NAV3: variants seen among roughly 807,000 people sequenced by gnomAD.
NAV3 encodes the protein pore membrane and/or filament interacting like protein 1.
NAV3 carries 87 observed loss-of-function variants against 244.7 expected under a neutral mutation model. The observed-to-expected ratio is 0.36, with a 90% CI of 0.30 to 0.42. The LOEUF (loss-of-function observed/expected upper bound fraction) is 0.42, where lower values mean the gene tolerates loss of function less well. Among genes scored for constraint, NAV3 ranks in the 20% least tolerant of loss-of-function variants. The probability of loss-of-function intolerance (pLI) is 1.00; values close to 1 mark genes in which losing one functional copy is unlikely to be tolerated. For synonymous variants in NAV3, 1,126 were observed against 1,042.2 expected (o/e 1.08, Z -1.55); for missense variants, 2,663 against 2,893.3 (o/e 0.92, Z 1.83).
At chr12:78,157,264 T>C (rs1347974487) in intron 22 of NAV3, among the ~76,000 whole-genome samples, 1 of 151,978 alleles carries the variant, frequency 6.6e-6, no homozygotes, top group Non-Finnish European at 1.5e-5. Flanking sequence ...AAAGGTAAAG[T>C]TCAGGTGTGG....
chr12:77,985,204 C>A (rs749986912), intron 5 of NAV3, among the ~76,000 whole-genome samples: 13 of 152,156 alleles, frequency 8.5e-5, no homozygotes, highest in Non-Finnish European at 1.6e-4. Flanking sequence ...TGGGCTTTAA[C>A]CAAATTTTTC....
chr12:78,030,914 T>C (rs1278326365), intron 9 of NAV3, among the ~76,000 whole-genome samples: 2 of 152,228 alleles, frequency 1.3e-5, no homozygotes, highest in Admixed American at 6.5e-5. Flanking sequence ...AGTTTCTTTT[T>C]GTAAAATTGG....
At position 78,067,127 on chromosome 12, in the gene NAV3, A is replaced by T. The variant is rs147168419; in HGVS notation, c.2636+8012A>T. ...AGCAAATATCTCTGGGATCAGGTTCATGATGCTTGTCACTAGTGTGTGTAA... is the reference window on the plus strand; with the variant it reads ...AGCAAATATCTCTGGGATCAGGTTCTTGATGCTTGTCACTAGTGTGTGTAA... On this transcript the variant is annotated intron_variant, in intron 12 of 39. Transcript: ENST00000397909. Among the ~76,000 whole-genome samples the T allele has an allele frequency of 5.9e-5, 9 of 152,180 alleles. No homozygotes were observed. The East Asian group carries it at 1.7e-3, about 29-fold the overall frequency.
At chr12:77,985,858 C>G (rs1372823509) in intron 5 of NAV3, among the ~76,000 whole-genome samples, 1 of 152,132 alleles carries the variant, frequency 6.6e-6, no homozygotes, top group Non-Finnish European at 1.5e-5. Flanking sequence ...CCTATTTGAT[C>G]TGTTTTCAGC....
chr12:77,859,711 A>G (rs1168083325), intron 1 of NAV3, among the ~76,000 whole-genome samples: 2 of 145,790 alleles, frequency 1.4e-5, no homozygotes, highest in African/African-American at 2.5e-5. Context: ...ATAGGAATGG[A>G]ATCCTAGCAT....
chr12:78,112,403 C>T (rs1428317831), intron 12 of NAV3, among the ~76,000 whole-genome samples: 1 of 152,054 alleles, frequency 6.6e-6, no homozygotes, highest in Non-Finnish European at 1.5e-5. Context: ...TGAAGACATA[C>T]CCCAAATTGG....
In NAV3 at chr12:77,752,658, T is replaced by C. The variant is rs185671152; in HGVS notation, c.72+180392T>C. On this transcript the variant is annotated intron_variant, in intron 2 of 8. Transcript: ENST00000550042. ...ACCACTCATATGTCTAGGCAGGTTA[T>C]TTAGCCTCACTGAGCCTTTTTTTCC... 1.5e-3 allele frequency among the ~76,000 whole-genome samples: 226 copies of C among 152,282 alleles called. 2 individuals carry two copies. The highest frequency in any genetic ancestry group is 2.9e-3 in the Non-Finnish European group (200 of 68,008).
Position 77,932,629 on chromosome 12 carries a change from C to T in NAV3, c.244-7690C>T, listed in dbSNP as rs148619840. The stretch of plus-strand genomic sequence containing the variant: ...TACAGAAGTCTTGTAAGTAATCTGT[C>T]TTTACTTTCTTGACTCTAAACTTGA... On this transcript the variant is annotated intron_variant, in intron 1 of 39. Transcript: ENST00000397909. Among the ~76,000 whole-genome samples the T allele has an allele frequency of 6.8e-3, 1,029 of 152,194 alleles. 34 individuals are homozygous for T. The highest frequency in any genetic ancestry group is 0.015 in the East Asian group (79 of 5,174).
intron 2 of NAV3, among the ~76,000 whole-genome samples, chr12:77,779,138 C>G (rs187695258): frequency 6.6e-6 from 1 of 151,990 alleles, no homozygotes; most frequent in Non-Finnish European, 1.5e-5. Context: ...TTCTTGTTTC[C>G]GCTACAAATA....
intron 15 of NAV3, 116 bp from the exon 16 acceptor site, chr12:78,121,824 T>A (rs1865471555): frequency 7.8e-7 from 1 of 1,279,334 alleles, no homozygotes; most frequent in African/African-American, 1.5e-5. Context: ...AGACAGGAAG[T>A]GCTTTGTAGT....
At chr12:77,658,565 A>C (rs2137024091) in intron 2 of NAV3, among the ~76,000 whole-genome samples, 1 of 152,074 alleles carries the variant, frequency 6.6e-6, no homozygotes, top group South Asian at 2.1e-4. Flanking sequence ...TGCCATCCCC[A>C]TCAAGCTACC....
At chr12:77,927,829 G>A (rs1888362524) in intron 1 of NAV3, among the ~76,000 whole-genome samples, 1 of 152,082 alleles carries the variant, frequency 6.6e-6, no homozygotes, top group South Asian at 2.1e-4. Context: ...CGGGTAGCTG[G>A]TTCTTCATTA....
At chr12:77,932,299 G>A (rs1888888461) in intron 1 of NAV3, among the ~76,000 whole-genome samples, 4 of 151,952 alleles carry the variant, frequency 2.6e-5, no homozygotes, top group South Asian at 2.1e-4. Flanking sequence ...TGGATAGGCC[G>A]GCAACAATAT....
At chr12:78,159,156 C>G in intron 22 of NAV3, 47 bp from the exon 23 acceptor site, 1 of 1,524,164 alleles carries the variant, frequency 6.6e-7, no homozygotes. Flanking sequence ...CATCCATCCA[C>G]ATAAGATTCT....
At chr12:77,643,444 T>C (rs896124827) in intron 2 of NAV3, among the ~76,000 whole-genome samples, 3 of 151,794 alleles carry the variant, frequency 2.0e-5, no homozygotes, top group Non-Finnish European at 4.4e-5. Flanking sequence ...TAAAAGTATA[T>C]AAACTTAAAC....
chr12:77,834,182 G>A (rs12297541), intron 1 of NAV3, among the ~76,000 whole-genome samples: 7 of 152,140 alleles, frequency 4.6e-5, no homozygotes, highest in Admixed American at 4.6e-4. Context: ...AGGTCCATGG[G>A]CACAGGCCCA....
At chr12:77,997,206 C>G (rs12371240) in intron 6 of NAV3, among the ~76,000 whole-genome samples, 1 of 135,856 alleles carries the variant, frequency 7.4e-6, no homozygotes, top group African/African-American at 2.8e-5. Context: ...CCACTGCACT[C>G]TAGCCTGGGC....
intron 1 of NAV3, among the ~76,000 whole-genome samples, chr12:77,898,120 A>G (rs979699912): frequency 6.6e-6 from 1 of 152,200 alleles, no homozygotes; most frequent in Non-Finnish European, 1.5e-5. Flanking sequence ...TTAACTACCT[A>G]GACGAATATC....
In NAV3 at chr12:77,875,112, A is replaced by G. The variant is rs538424912; in HGVS notation, c.243+43408A>G. On this transcript the variant is annotated intron_variant, in intron 1 of 39. Coordinates refer to ENST00000397909, the MANE Select transcript of NAV3 (RefSeq NM_001024383.2). ...TCTGAACATTTACTTGCTTTTATGC[A>G]AAAGAAAATATTTTAAAAATATTTT... Among the ~76,000 whole-genome samples, 237 of 152,276 alleles carry G rather than the reference A, an allele frequency of 1.6e-3. 2 individuals are homozygous for G. The highest frequency in any genetic ancestry group is 5.5e-3 in the African/African-American group (229 of 41,582).
Sources: allele counts gnomAD v4.1 joint callset (sites outside exome capture counted in the v4.1 genomes callset), GRCh38; gene constraint gnomAD v4.1.1; transcripts MANE v1.5; gene names NCBI Gene and HGNC (gene_info 2026-07-23, HGNC 2026-07-21).